The following CCDC39 variants were observed in gnomAD, a reference collection of about 807,000 sequenced individuals.
CCDC39 encodes coiled-coil domain 39 molecular ruler complex subunit, also known as coiled-coil domain-containing protein 39.
A neutral mutation model predicts 121.0 loss-of-function variants in CCDC39; 113 were observed. That is an observed-to-expected ratio of 0.93 (90% CI 0.80 to 1.09). The LOEUF is 1.09. CCDC39 is among the 50% of genes least tolerant of loss of function. The pLI, the probability that CCDC39 is intolerant of heterozygous loss-of-function variation, is 0.00. For missense variants in CCDC39, 1,063 were observed against 1,074.7 expected (o/e 0.99, Z 0.15); for synonymous variants, 349 against 352.2 (o/e 0.99, Z 0.10).
At chr3:180,624,638 T>C (rs1238347669) in intron 14 of CCDC39, among the ~76,000 whole-genome samples, 1 of 152,206 alleles carries the variant, frequency 6.6e-6, no homozygotes, top group African/African-American at 2.4e-5. Flanking sequence ...ACATTTTGTT[T>C]CCATTTTAAA....
chr3:180,663,566 A>G (rs1397927526), intron 2 of CCDC39, among the ~76,000 whole-genome samples: 1 of 151,580 alleles, frequency 6.6e-6, no homozygotes, highest in Non-Finnish European at 1.5e-5. Flanking sequence ...GCTACTCGGG[A>G]GGCTGAGGCA....
chr3:180,671,014 C>A (rs1712029477), intron 1 of CCDC39, among the ~76,000 whole-genome samples: 1 of 151,984 alleles, frequency 6.6e-6, no homozygotes, highest in South Asian at 2.1e-4. Flanking sequence ...GAGTTCAAGA[C>A]CAGCCTGTCC....
chr3:180,621,624 A>T (rs192562692), intron 14 of CCDC39, among the ~76,000 whole-genome samples: 3 of 152,126 alleles, frequency 2.0e-5, no homozygotes. Context: ...CAGGATTGTT[A>T]CATGGGTAAA....
chr3:180,661,199 C>T (rs1711733280), intron 3 of CCDC39, among the ~76,000 whole-genome samples: 1 of 151,926 alleles, frequency 6.6e-6, no homozygotes, highest in Middle Eastern at 3.2e-3. Context: ...ACATTTCTAA[C>T]TGAAGTAAAT....
At chr3:180,646,868 G>T (rs544867915) in intron 11 of CCDC39, among the ~76,000 whole-genome samples, 3 of 151,890 alleles carry the variant, frequency 2.0e-5, no homozygotes, top group Non-Finnish European at 4.4e-5. Flanking sequence ...AAATACTAGA[G>T]GCATGTCATA....
chr3:180,642,952 G>T (rs1031197015), intron 12 of CCDC39, among the ~76,000 whole-genome samples: 3 of 150,714 alleles, frequency 2.0e-5, no homozygotes, highest in South Asian at 4.2e-4. Flanking sequence ...CAATATTTAT[G>T]ACAGAGATAA....
chr3:180,659,678 TGTGCGCTTATA>T lies in CCDC39; in HGVS notation c.597_607del (p.Ile200ValfsTer5). 6.2e-7 allele frequency: 1 copy of T among 1,608,696 alleles called. No individual in the cohort carries two copies. The highest frequency in any genetic ancestry group is 8.5e-7 in the Non-Finnish European group (1 of 1,178,280). ...AATAAAAATCTTCCTTAAACTAACC[TGTGCGCTTATA>T]GTCTCTGTAAGTTCGTTGTCAAGTA... On this transcript the variant is annotated frameshift_variant and splice_region_variant, in exon 5 of 20. Coordinates refer to ENST00000476379, the MANE Select transcript of CCDC39 (RefSeq NM_181426.2). LOFTEE classifies it high-confidence loss of function.
intron 6 of CCDC39, among the ~76,000 whole-genome samples, chr3:180,656,585 GC>G (rs1329298247): frequency 1.3e-5 from 2 of 152,148 alleles, no homozygotes; most frequent in African/African-American, 4.8e-5. Flanking sequence ...AAGAGGAGCA[GC>G]GTTAACATAA....
intron 13 of CCDC39, among the ~76,000 whole-genome samples, chr3:180,640,268 A>C (rs1473753324): frequency 6.6e-6 from 1 of 152,128 alleles, no homozygotes; most frequent in Non-Finnish European, 1.5e-5. Flanking sequence ...GACAATTGAA[A>C]GACAGGAAAG....
chr3:180,624,132 T>C (rs1172180975), intron 14 of CCDC39, among the ~76,000 whole-genome samples: 1 of 152,154 alleles, frequency 6.6e-6, no homozygotes, highest in Non-Finnish European at 1.5e-5. Context: ...TTAGGATTGT[T>C]ATATCCTCTT....
chr3:180,654,403 C>A (rs1403258709), intron 7 of CCDC39, among the ~76,000 whole-genome samples: 2 of 151,474 alleles, frequency 1.3e-5, no homozygotes, highest in Non-Finnish European at 2.9e-5. Context: ...TTGAATTTGA[C>A]ACCAAAATTA....
intron 2 of CCDC39, among the ~76,000 whole-genome samples, chr3:180,663,175 G>A (rs1223497214): frequency 1.3e-5 from 2 of 151,940 alleles, no homozygotes; most frequent in African/African-American, 4.8e-5. Flanking sequence ...TTCAATTCTT[G>A]AACAATGCTA....
At chr3:180,635,881 A>C (rs1021946606) in intron 13 of CCDC39, among the ~76,000 whole-genome samples, 12 of 152,230 alleles carry the variant, frequency 7.9e-5, no homozygotes, top group Non-Finnish European at 1.3e-4. Context: ...AGATCTATAA[A>C]AGGCTTTTGA....
At chr3:180,671,620 G>A (rs1298046967) in intron 1 of CCDC39, among the ~76,000 whole-genome samples, 2 of 152,160 alleles carry the variant, frequency 1.3e-5, no homozygotes, top group Non-Finnish European at 2.9e-5. Context: ...AGGTGCAGTG[G>A]TGTGATCTCG....
intron 9 of CCDC39, among the ~76,000 whole-genome samples, chr3:180,650,446 G>C (rs1718172737): frequency 6.6e-6 from 1 of 152,146 alleles, no homozygotes; most frequent in Non-Finnish European, 1.5e-5. Flanking sequence ...GTAAAACAAA[G>C]CCACTTTTTG....
chr3:180,652,598 A>C (rs1465995857), intron 7 of CCDC39, among the ~76,000 whole-genome samples: 2 of 152,180 alleles, frequency 1.3e-5, no homozygotes, highest in Non-Finnish European at 2.9e-5. Flanking sequence ...TAAGAATCAT[A>C]AGTTTAACTG....
intron 12 of CCDC39, among the ~76,000 whole-genome samples, chr3:180,642,969 T>C (rs1717991680): frequency 6.6e-6 from 1 of 151,930 alleles, no homozygotes; most frequent in Non-Finnish European, 1.5e-5. Flanking sequence ...ATAATTTTTT[T>C]TTTTTTTTGA....
In CCDC39 at chr3:180,616,931, C is replaced by T. The variant is rs11914833; in HGVS notation, c.2301G>A (p.Leu767=). 0.05 allele frequency: 73,988 copies of T among 1,483,642 alleles called. 3,162 individuals are homozygous for T. Among genetic ancestry groups the T allele is most frequent in the African/African-American group, 0.21 (15,075 of 71,216 alleles). The allele number at this position is 1,483,642 out of a possible 1,614,324, so 91.9% of individuals were successfully genotyped here. ...MENTLDVIEH[L]ANNVKEKLSE... ...ATAACTTTTCTTTAACATTATTTGC[C>T]AAATGTTCTATAACATCTAATGTAT... The change falls in exon 17 of 20, where the codon TTG becomes TTA. Residue 767 remains leucine (L), a synonymous_variant. Coordinates refer to ENST00000476379, the MANE Select transcript of CCDC39 (RefSeq NM_181426.2).
chr3:180,654,221 CAAAAAAA>C (rs76424115), intron 7 of CCDC39, among the ~76,000 whole-genome samples: 5 of 44,928 alleles, frequency 1.1e-4, no homozygotes, highest in Non-Finnish European at 1.8e-4. Flanking sequence ...TAGCCACACG[CAAAAAAA>C]AAAAAAAAAA....
Sources: allele counts gnomAD v4.1 joint callset (sites outside exome capture counted in the v4.1 genomes callset), GRCh38; gene constraint gnomAD v4.1.1; transcripts MANE v1.5; gene names NCBI Gene and HGNC (gene_info 2026-07-23, HGNC 2026-07-21).